Variants in CAMTA1 observed in about 807,000 individuals in gnomAD.
CAMTA1 encodes the protein calmodulin-binding transcription activator 1.
A neutral mutation model predicts 170.9 loss-of-function variants in CAMTA1; 27 were observed. The ratio of observed to expected loss-of-function variants is 0.16; its 90% CI spans 0.12 to 0.22. CAMTA1 has a LOEUF of 0.22. Ranked by LOEUF, CAMTA1 falls within the 10% of genes least tolerant of loss-of-function variation. The pLI is 1.00. For synonymous variants in CAMTA1, 833 were observed against 891.5 expected, an observed-to-expected ratio of 0.93 and a Z score of 1.17; for missense variants, 1,619 against 2,217.2, an observed-to-expected ratio of 0.73 and a Z score of 5.42.
At chr1:7,622,164 A>G (rs950509335) in intron 6 of CAMTA1, among the ~76,000 whole-genome samples, 3 of 152,196 alleles carry the variant, frequency 2.0e-5, no homozygotes, top group Admixed American at 2.0e-4. Context: ...GCGGCTACTC[A>G]TGGCTGGGAA....
chr1:7,270,959 C>T lies in CAMTA1; in HGVS notation c.438+21333C>T, dbSNP rs1009425300. Among the ~76,000 whole-genome samples, 5 of 152,162 alleles carry T rather than the reference C, an allele frequency of 3.3e-5. No homozygotes were observed. In the East Asian group the frequency reaches 9.6e-4, roughly 29 times the overall value. On this transcript the variant is annotated intron_variant, in intron 5 of 22. Transcript: ENST00000303635. ...ATCAAAGAAGAACACAGATCTTAAA[C>T]AATAACCTAACTTTATATGCAAGAA... is the stretch of plus-strand genomic sequence containing the variant.
chr1:7,516,239 G>A (rs2094284460), intron 6 of CAMTA1, among the ~76,000 whole-genome samples: 1 of 152,270 alleles, frequency 6.6e-6, no homozygotes, highest in African/African-American at 2.4e-5. Flanking sequence ...AATGTCAGAT[G>A]TGTCCACAGC....
At chr1:7,503,496 C>T (rs1295703646) in intron 6 of CAMTA1, among the ~76,000 whole-genome samples, 3 of 152,182 alleles carry the variant, frequency 2.0e-5, no homozygotes, top group African/African-American at 7.2e-5. Flanking sequence ...CCACCTTCGC[C>T]GAAGGGGAGG....
chr1:7,614,749 C>T (rs2095547951), intron 6 of CAMTA1, among the ~76,000 whole-genome samples: 1 of 152,184 alleles, frequency 6.6e-6, no homozygotes, highest in Non-Finnish European at 1.5e-5. Flanking sequence ...AGACTGTGAA[C>T]ATCAAATCAG....
chr1:6,845,921 G>C (rs1200928890), intron 3 of CAMTA1, among the ~76,000 whole-genome samples: 1 of 152,206 alleles, frequency 6.6e-6, no homozygotes, highest in African/African-American at 2.4e-5. Flanking sequence ...ATTCCACATG[G>C]CTGGGGAGGC....
At chr1:7,143,582 C>A (rs1393912989) in intron 4 of CAMTA1, among the ~76,000 whole-genome samples, 1 of 152,204 alleles carries the variant, frequency 6.6e-6, no homozygotes, top group Non-Finnish European at 1.5e-5. Flanking sequence ...TACCTTCCAA[C>A]CTCCAACTAA....
intron 3 of CAMTA1, among the ~76,000 whole-genome samples, chr1:6,953,897 C>T (rs540954524): frequency 1.3e-5 from 2 of 152,224 alleles, no homozygotes; most frequent in South Asian, 4.1e-4. Flanking sequence ...TGGGAGAAGC[C>T]GCAGTCTTTC....
At chr1:7,316,580 A>AACTAGATG (rs1289241246) in intron 5 of CAMTA1, among the ~76,000 whole-genome samples, 1 of 152,216 alleles carries the variant, frequency 6.6e-6, no homozygotes, top group Non-Finnish European at 1.5e-5. Flanking sequence ...TGGCTGTACT[A>AACTAGATG]TTAACATCTA....
At chr1:7,672,669 C>T (rs2096070792) in intron 10 of CAMTA1, among the ~76,000 whole-genome samples, 1 of 152,162 alleles carries the variant, frequency 6.6e-6, no homozygotes, top group Non-Finnish European at 1.5e-5. Context: ...GATCCGCCCA[C>T]CTTGGCCTCC....
rs1023751705 is a variant in CAMTA1 at position 7,609,343 on chromosome 1, G to A, written c.511-31057G>A. ...ACATCATGTTTACCCATCAGACGCTGTTTTCCTGACACTCAACACTCAAAA... is the reference window on the plus strand; with the variant it reads ...ACATCATGTTTACCCATCAGACGCTATTTTCCTGACACTCAACACTCAAAA... On this transcript the variant is annotated intron_variant, in intron 6 of 22. Coordinates refer to ENST00000303635, the MANE Select transcript of CAMTA1 (RefSeq NM_015215.4). This position sits in a 1 kb window ranked among gnomAD's most constrained non-coding sequence, Gnocchi z 4.4. Among the ~76,000 whole-genome samples the A allele has an allele frequency of 6.6e-6, 1 of 152,208 alleles. No individual in the cohort carries two copies. Among genetic ancestry groups the A allele is most frequent in the African/African-American group, 2.4e-5 (1 of 41,450 alleles).
intron 2 of CAMTA1, among the ~76,000 whole-genome samples, chr1:6,823,285 G>T (rs552626941): frequency 1.3e-5 from 2 of 152,150 alleles, no homozygotes; most frequent in African/African-American, 2.4e-5. Flanking sequence ...AGTGCAGGGA[G>T]CATAAGCACA....
intron 4 of CAMTA1, among the ~76,000 whole-genome samples, chr1:7,095,011 G>A (rs1274305392): frequency 2.0e-5 from 3 of 151,970 alleles, no homozygotes; most frequent in African/African-American, 4.8e-5. Context: ...TCCCTTTCTC[G>A]GGGAGGTGTC....
chr1:6,806,646 C>G (rs116994884), intron 1 of CAMTA1, among the ~76,000 whole-genome samples: 1,666 of 152,236 alleles, frequency 0.011, 11 homozygotes, highest in Admixed American at 0.02. Flanking sequence ...AGCTCTTCCA[C>G]GTAGCGTGTA....
intron 6 of CAMTA1, among the ~76,000 whole-genome samples, chr1:7,474,859 C>A (rs2093394616): frequency 6.6e-6 from 1 of 152,234 alleles, no homozygotes; most frequent in Non-Finnish European, 1.5e-5. Flanking sequence ...AGAAGTGCAG[C>A]CTCTCCCCGC....
chr1:7,691,724 G>C (rs994759648), intron 11 of CAMTA1, among the ~76,000 whole-genome samples: 5 of 152,166 alleles, frequency 3.3e-5, no homozygotes, highest in African/African-American at 1.2e-4. Flanking sequence ...CCCCAGAGCT[G>C]AGAGAGCAAA....
At chr1:7,746,180 C>A in intron 18 of CAMTA1, 89 bp downstream of exon 18, 1 of 1,459,996 alleles carries the variant, frequency 6.8e-7, no homozygotes, top group Non-Finnish European at 9.3e-7. Flanking sequence ...AAAACATTTA[C>A]TATTTCTTTT....
At chr1:7,558,098 C>G (rs978712773) in intron 6 of CAMTA1, among the ~76,000 whole-genome samples, 1 of 152,222 alleles carries the variant, frequency 6.6e-6, no homozygotes, top group African/African-American at 2.4e-5. Context: ...CCCCCAGCCA[C>G]CCTCCTGTGA....
At chr1:7,324,903 A>G (rs1462383458) in intron 5 of CAMTA1, among the ~76,000 whole-genome samples, 1 of 152,122 alleles carries the variant, frequency 6.6e-6, no homozygotes, top group African/African-American at 2.4e-5. Context: ...GTACCTTAAC[A>G]GGGCCTAAGG....
intron 5 of CAMTA1, among the ~76,000 whole-genome samples, chr1:7,450,967 G>A (rs1337906900): frequency 6.6e-6 from 1 of 152,198 alleles, no homozygotes; most frequent in Non-Finnish European, 1.5e-5. Context: ...ATTTCCCCGG[G>A]GAGGTCGGCG....
Sources: allele counts gnomAD v4.1 joint callset (sites outside exome capture counted in the v4.1 genomes callset), GRCh38; gene constraint gnomAD v4.1.1; non-coding constraint Gnocchi (gnomAD v3.1); transcripts MANE v1.5; gene names NCBI Gene and HGNC (gene_info 2026-07-23, HGNC 2026-07-21).